The following QTMAN variants were observed in gnomAD, a reference collection of about 807,000 sequenced individuals.
QTMAN encodes the protein queuosine-tRNA mannosyltransferase, also known as tRNA-queuosine alpha-mannosyltransferase.
At chr2:144,241,436 G>T in the QTMAN span, among the ~76,000 whole-genome samples, 2 of 152,178 alleles carry the variant, frequency 1.3e-5, no homozygotes, top group African/African-American at 4.8e-5. Context: ...GCCAGGGTAT[G>T]CCAATAAGCA....
the QTMAN span, among the ~76,000 whole-genome samples, chr2:144,222,638 C>T: frequency 1.1e-4 from 16 of 151,680 alleles, no homozygotes; most frequent in Admixed American, 6.6e-4. Flanking sequence ...AATCCCGTCC[C>T]TACTAAAAAT....
At chr2:144,268,699 G>C in the QTMAN span, among the ~76,000 whole-genome samples, 1 of 152,204 alleles carries the variant, frequency 6.6e-6, no homozygotes, top group African/African-American at 2.4e-5. Context: ...GGTATCCTTT[G>C]TGTGAATAAA....
At chr2:144,070,711 C>T in the QTMAN span, among the ~76,000 whole-genome samples, 2 of 152,090 alleles carry the variant, frequency 1.3e-5, no homozygotes, top group African/African-American at 2.4e-5. Context: ...TAAAGTCAAT[C>T]TTTTTCTACT....
chr2:144,163,717 T>C, the QTMAN span, among the ~76,000 whole-genome samples: 93 of 152,320 alleles, frequency 6.1e-4, no homozygotes, highest in East Asian at 0.018. Context: ...CATATTTGTT[T>C]AAAACCCCAC....
chr2:144,114,539 T>G, the QTMAN span, among the ~76,000 whole-genome samples: 3 of 152,210 alleles, frequency 2.0e-5, no homozygotes, highest in African/African-American at 7.2e-5. Flanking sequence ...CACTTCACTT[T>G]CAATGCCCTT....
the QTMAN span, among the ~76,000 whole-genome samples, chr2:144,072,230 C>G: frequency 6.6e-6 from 1 of 151,984 alleles, no homozygotes; most frequent in African/African-American, 2.4e-5. Flanking sequence ...GAATCCGATG[C>G]CCAGAAAAAA....
chr2:144,269,448 CTTTT>C, the QTMAN span, among the ~76,000 whole-genome samples: 1 of 152,000 alleles, frequency 6.6e-6, no homozygotes, highest in Non-Finnish European at 1.5e-5. Context: ...TAATTTTTAA[CTTTT>C]TTTATTTTTT....
the QTMAN span, among the ~76,000 whole-genome samples, chr2:144,076,174 G>C: frequency 2.6e-5 from 4 of 152,324 alleles, no homozygotes; most frequent in South Asian, 8.3e-4. Flanking sequence ...TTGAACCTGG[G>C]AGGTGGAGGT....
chr2:144,070,511 T>G, the QTMAN span, among the ~76,000 whole-genome samples: 1 of 152,102 alleles, frequency 6.6e-6, no homozygotes, highest in Non-Finnish European at 1.5e-5. Flanking sequence ...AGCAGTGAAA[T>G]ACATAACACA....
chr2:144,322,843 A>C, the QTMAN span, among the ~76,000 whole-genome samples: 9 of 152,274 alleles, frequency 5.9e-5, no homozygotes, highest in Admixed American at 2.6e-4. Context: ...ATATTGGCTC[A>C]CTGAGTTATA....
At chr2:144,231,843 G>GGTGTGTGTGTGTGTGTGT in the QTMAN span, among the ~76,000 whole-genome samples, 5 of 138,340 alleles carry the variant, frequency 3.6e-5, no homozygotes, top group South Asian at 2.4e-4. Context: ...GAATGAAAGA[G>GGTGTGTGTGTGTGTGTGT]GTGTGTGTGT....
At chr2:144,281,280 G>T in the QTMAN span, among the ~76,000 whole-genome samples, 1 of 150,030 alleles carries the variant, frequency 6.7e-6, no homozygotes, top group Non-Finnish European at 1.5e-5. Context: ...AAAGCTCAGA[G>T]ATTCTACTTG....
At chr2:144,007,650 T>A in the QTMAN span, 1 of 670,412 alleles carries the variant, frequency 1.5e-6, no homozygotes, top group Non-Finnish European at 2.3e-6. Flanking sequence ...AAAATAAAGA[T>A]GTTATACAAA....
At chr2:144,055,196 T>C in the QTMAN span, among the ~76,000 whole-genome samples, 2 of 152,180 alleles carry the variant, frequency 1.3e-5, no homozygotes, top group Admixed American at 1.3e-4. Context: ...CTCCTAAATA[T>C]TTATTGTTGC....
At chr2:144,302,268 CAT>C in the QTMAN span, among the ~76,000 whole-genome samples, 1 of 151,566 alleles carries the variant, frequency 6.6e-6, no homozygotes, top group Non-Finnish European at 1.5e-5. Context: ...TATACTCACA[CAT>C]ATATGTCTGT....
the QTMAN span, among the ~76,000 whole-genome samples, chr2:144,136,247 G>A: frequency 6.6e-6 from 1 of 151,614 alleles, no homozygotes; most frequent in African/African-American, 2.4e-5. Context: ...AGTCACTTGA[G>A]CCCAGGAGGT....
the QTMAN span, among the ~76,000 whole-genome samples, chr2:144,261,541 T>G: frequency 3.9e-5 from 6 of 152,206 alleles, no homozygotes; most frequent in Admixed American, 3.9e-4. Flanking sequence ...ATGACATTTG[T>G]TAGCTGAGTC....
the QTMAN span, among the ~76,000 whole-genome samples, chr2:144,021,295 C>G: frequency 6.6e-6 from 1 of 152,174 alleles, no homozygotes; most frequent in South Asian, 2.1e-4. Context: ...AACATGACCT[C>G]AAGCTTTTGA....
the QTMAN span, chr2:143,938,121 A>G: frequency 5.9e-5 from 9 of 152,264 alleles, no homozygotes; most frequent in Non-Finnish European, 1.3e-4. Flanking sequence ...TCACAGCATT[A>G]GAAATACAAG....
Sources: gnomAD v4.1 joint callset for allele counts (sites outside exome capture counted in the v4.1 genomes callset) on GRCh38, gnomAD v4.1.1 for gene constraint, MANE v1.5 for transcripts, NCBI Gene and HGNC (gene_info 2026-07-23, HGNC 2026-07-21) for gene names.